Variants in GOLGA7B observed in about 807,000 individuals in gnomAD.
GOLGA7B encodes golgin subfamily A member 7B.
In GOLGA7B, 17 loss-of-function variants were observed where a neutral mutation model predicts 21.5. The ratio of observed to expected loss-of-function variants is 0.79; its 90% CI spans 0.54 to 1.19. The LOEUF is 1.19. Among genes scored for constraint, GOLGA7B ranks in the 50% most tolerant of loss-of-function variants. GOLGA7B has a pLI of 0.00. For missense variants in GOLGA7B, 169 were observed against 224.4 expected, an observed-to-expected ratio of 0.75 and a Z score of 1.58; for synonymous variants, 87 against 84.0, an observed-to-expected ratio of 1.04 and a Z score of -0.19.
chr10:97,865,936 A>G lies in GOLGA7B; in HGVS notation c.*236A>G. The G allele has an allele frequency of 1.6e-6, 1 of 622,440 alleles. No homozygotes were observed. Among genetic ancestry groups the G allele is most frequent in the South Asian group, 3.0e-5 (1 of 33,496 alleles). 38.6% of individuals were successfully genotyped at this position (622,440 alleles called of 1,614,324 possible). On this transcript the variant is annotated 3_prime_UTR_variant, in exon 5 of 5. Coordinates refer to ENST00000370602, the MANE Select transcript of GOLGA7B (RefSeq NM_001010917.3). ...CTGACCTGGGGGCTTTTCCTTCCCG[A>G]TGGGGCTGGTCTGGGCCACACAGAG...
At chr10:97,858,123 C>T (rs994752755) in intron 1 of GOLGA7B, among the ~76,000 whole-genome samples, 1 of 152,176 alleles carries the variant, frequency 6.6e-6, no homozygotes, top group Admixed American at 6.5e-5. Context: ...CTTTTCCTCC[C>T]TCTCCACACT....
At chr10:97,857,996 C>T (rs146309700) in intron 1 of GOLGA7B, among the ~76,000 whole-genome samples, 299 of 152,316 alleles carry the variant, frequency 2.0e-3, no homozygotes, top group Middle Eastern at 3.4e-3. Context: ...AATCTCATCT[C>T]CCACTGTTTC....
chr10:97,855,316 T>G (rs180990634), intron 1 of GOLGA7B, among the ~76,000 whole-genome samples: 1 of 152,152 alleles, frequency 6.6e-6, no homozygotes, highest in Non-Finnish European at 1.5e-5. Flanking sequence ...AGAACCTGAA[T>G]AGCCAAAGCA....
chr10:97,860,576 C>T (rs771437642), intron 2 of GOLGA7B, among the ~76,000 whole-genome samples: 6 of 152,162 alleles, frequency 3.9e-5, no homozygotes, highest in Non-Finnish European at 5.9e-5. Flanking sequence ...TGGTCTCAAA[C>T]TCCTGGGCTC....
Position 97,865,324 on chromosome 10 carries a change from C to T in GOLGA7B, c.394-266C>T, listed in dbSNP as rs116588961. On this transcript the variant is annotated intron_variant, in intron 4 of 4. Coordinates refer to ENST00000370602, the MANE Select transcript of GOLGA7B (RefSeq NM_001010917.3). ...GTCATTAGACCCACTGGAATGTAAG[C>T]GCCATCAGGGCAGCGACCCTGTCTG... 2,583 of 465,540 alleles carry T rather than the reference C, an allele frequency of 5.5e-3. 62 individuals carry two copies. Among genetic ancestry groups the T allele is most frequent in the African/African-American group, 0.043 (2,239 of 51,542 alleles). The allele number at this position is 465,540 out of a possible 1,614,324, so 28.8% of individuals were successfully genotyped here.
intron 2 of GOLGA7B, among the ~76,000 whole-genome samples, chr10:97,862,591 T>G (rs2049977760): frequency 6.6e-6 from 1 of 152,160 alleles, no homozygotes; most frequent in Non-Finnish European, 1.5e-5. Flanking sequence ...CCTCGTCATC[T>G]TCATGTTGGG....
At chr10:97,863,846 C>G in intron 2 of GOLGA7B, 84 bp from the exon 3 acceptor site, 3 of 1,422,142 alleles carry the variant, frequency 2.1e-6, no homozygotes, top group Non-Finnish European at 2.9e-6. Flanking sequence ...CTACATGGCC[C>G]CACCATTGTC....
rs774242787 is a variant in GOLGA7B at position 97,865,755 on chromosome 10, C to A, written c.*55C>A. 2.7e-6 allele frequency: 4 copies of A among 1,467,756 alleles called. No individual in the cohort carries two copies. The Admixed American group carries it at 7.9e-5, about 29-fold the overall frequency. 90.9% of individuals were successfully genotyped at this position (1,467,756 alleles called of 1,614,324 possible). ...TGGCCGGAGTGAGGGCCTTGCAGAC[C>A]TGCGGCGGCTGCGCTACCAGAGCAC... On this transcript the variant is annotated 3_prime_UTR_variant, in exon 5 of 5. Transcript: ENST00000370602.
At position 97,868,784 on chromosome 10, in the gene GOLGA7B, G is replaced by C. The variant is rs1172164059; in HGVS notation, c.*3084G>C. Reference sequence around the variant, plus strand: ...GGGAGGGGGTGAGGATTTACTAAACGGGTAAAACCAAATCTGGGTGCTTAT... The same window carrying C: ...GGGAGGGGGTGAGGATTTACTAAACCGGTAAAACCAAATCTGGGTGCTTAT... On this transcript the variant is annotated 3_prime_UTR_variant, in exon 5 of 5. Coordinates refer to ENST00000370602, the MANE Select transcript of GOLGA7B (RefSeq NM_001010917.3). 6.6e-6 allele frequency: 1 copy of C among 152,052 alleles called. No individual in the cohort carries two copies. The highest frequency in any genetic ancestry group is 1.5e-5 in the Non-Finnish European group (1 of 67,988). The allele number at this position is 152,052 out of a possible 1,614,324, so 9.4% of individuals were successfully genotyped here.
intron 2 of GOLGA7B, among the ~76,000 whole-genome samples, chr10:97,861,372 G>C (rs1412519255): frequency 3.9e-5 from 6 of 152,228 alleles, no homozygotes; most frequent in Admixed American, 1.3e-4. Flanking sequence ...CAGTCTCGCA[G>C]GGAAAGCTTA....
In GOLGA7B at chr10:97,870,932, A is replaced by G. The variant is rs2136527907; in HGVS notation, c.*5232A>G. The stretch of plus-strand genomic sequence containing the variant: ...GGAGAGCATCTACAGCTTTCAGCAG[A>G]TTCTCAAAGGGGTATGCAACCCCCT... On this transcript the variant is annotated 3_prime_UTR_variant, in exon 5 of 5. Transcript: ENST00000370602. The G allele has an allele frequency of 1.3e-5, 2 of 152,328 alleles. 1 individual carries two copies. Among genetic ancestry groups the G allele is most frequent in the South Asian group, 4.1e-4 (2 of 4,830 alleles). The allele number at this position is 152,328 out of a possible 1,614,324, so 9.4% of individuals were successfully genotyped here. A position where few individuals can be genotyped will look rare whatever the true frequency, so the allele number is the denominator to read the frequency against.
chr10:97,859,434 C>T (rs761583597), intron 1 of GOLGA7B, 24 bp from the exon 2 acceptor site: 1 of 1,612,918 alleles, frequency 6.2e-7, no homozygotes, highest in Non-Finnish European at 8.5e-7. Flanking sequence ...ACTCTCAGCA[C>T]ATGCCGCCCG....
chr10:97,852,412 G>A (rs966832307), intron 1 of GOLGA7B, among the ~76,000 whole-genome samples: 1 of 152,094 alleles, frequency 6.6e-6, no homozygotes, highest in East Asian at 1.9e-4. Context: ...GGGGAGCTGA[G>A]GACAAACATT....
chr10:97,856,812 G>A (rs2049938008), intron 1 of GOLGA7B, among the ~76,000 whole-genome samples: 1 of 151,940 alleles, frequency 6.6e-6, no homozygotes, highest in South Asian at 2.1e-4. Context: ...GTTTTAATTT[G>A]CATTTCTCTG....
intron 2 of GOLGA7B, 47 bp from the exon 3 acceptor site, chr10:97,863,883 A>C: frequency 6.4e-7 from 1 of 1,564,984 alleles, no homozygotes; most frequent in Non-Finnish European, 8.7e-7. Flanking sequence ...GTGACTGTGC[A>C]CACTCCAGGG....
intron 1 of GOLGA7B, among the ~76,000 whole-genome samples, chr10:97,853,680 G>C (rs900691012): frequency 6.6e-6 from 1 of 152,202 alleles, no homozygotes; most frequent in East Asian, 1.9e-4. Flanking sequence ...TCAGGTCTCT[G>C]GGTCAGTTAA....
chr10:97,861,999 T>C (rs1445444753), intron 2 of GOLGA7B, among the ~76,000 whole-genome samples: 1 of 152,218 alleles, frequency 6.6e-6, no homozygotes, highest in Non-Finnish European at 1.5e-5. Context: ...GTGATGAGCA[T>C]TTCTGGTCCT....
Position 97,863,199 on chromosome 10 carries a change from C to T in GOLGA7B, c.139-731C>T, listed in dbSNP as rs546673841. Among the ~76,000 whole-genome samples the T allele has an allele frequency of 4.9e-4, 75 of 152,240 alleles. 4 individuals carry two copies. In the South Asian group the frequency reaches 0.015, roughly 30 times the overall value. On this transcript the variant is annotated intron_variant, in intron 2 of 4. Coordinates refer to ENST00000370602, the MANE Select transcript of GOLGA7B (RefSeq NM_001010917.3). Reference sequence around the variant, plus strand: ...GAACCACAGAGCAGTTCGTGGTCCGCGTGGTCTTAGGACCACAGAGCAGTC... The same window carrying T: ...GAACCACAGAGCAGTTCGTGGTCCGTGTGGTCTTAGGACCACAGAGCAGTC...
intron 1 of GOLGA7B, among the ~76,000 whole-genome samples, chr10:97,854,387 C>T (rs2049922740): frequency 2.6e-5 from 4 of 152,328 alleles, no homozygotes; most frequent in Admixed American, 2.6e-4. Context: ...ACTAGGGCTT[C>T]CTGGCACTTC....
Sources: allele counts gnomAD v4.1 joint callset (sites outside exome capture counted in the v4.1 genomes callset), GRCh38; gene constraint gnomAD v4.1.1; transcripts MANE v1.5; gene names NCBI Gene and HGNC (gene_info 2026-07-23, HGNC 2026-07-21).